Variants in ZAP70 observed in about 807,000 individuals in gnomAD.
ZAP70 encodes the protein tyrosine-protein kinase ZAP-70.
A neutral mutation model predicts 65.8 loss-of-function variants in ZAP70; 27 were observed. The ratio of observed to expected loss-of-function variants is 0.41; its 90% CI spans 0.30 to 0.57. The LOEUF is 0.57. Ranked by LOEUF, ZAP70 falls within the 20% of genes least tolerant of loss-of-function variation. The pLI is 0.28. For missense variants in ZAP70, 696 were observed against 870.5 expected, an observed-to-expected ratio of 0.80 and a Z score of 2.52; for synonymous variants, 363 against 360.8, an observed-to-expected ratio of 1.01 and a Z score of -0.07.
chr2:97,734,645 A>G lies in ZAP70; in HGVS notation c.1015A>G (p.Ile339Val). 1 of 1,614,216 alleles carries G rather than the reference A, an allele frequency of 6.2e-7. No homozygotes were observed. Among genetic ancestry groups the G allele is most frequent in the East Asian group, 2.2e-5 (1 of 44,876 alleles). ...KLFLKRDNLL[I>V]ADIELGCGNF... ...CTTCCTGAAGCGCGATAACCTCCTC[A>G]TAGCTGACATTGAACTTGGCTGCGG... Residue 339 changes from isoleucine (I) to valine (V), a missense_variant, in exon 9 of 14, where the codon ATA becomes GTA. Transcript: ENST00000264972.
chr2:97,756,235 T>TGTCA, the ZAP70 span: 1 of 152,196 alleles, frequency 6.6e-6, no homozygotes, highest in African/African-American at 2.4e-5. Context: ...CGTCTTAACC[T>TGTCA]GTCAGCTCCA....
Position 97,734,535 on chromosome 2 carries a change from C to T in ZAP70, c.905C>T (p.Pro302Leu), listed in dbSNP as rs574174678. 6.2e-7 allele frequency: 1 copy of T among 1,613,962 alleles called. No homozygotes were observed. The highest frequency in any genetic ancestry group is 1.1e-5 in the South Asian group (1 of 91,078). ...YTPEPARITSPDKPRPMPMDT... is the reference protein window; with the variant it reads ...YTPEPARITSLDKPRPMPMDT... ...GTGTGCCCAGCACGCATAACGTCCC[C>T]AGACAAACCGCGGCCGATGCCCATG... is the stretch of plus-strand genomic sequence containing the variant. Residue 302 changes from proline to leucine, a missense_variant, in exon 9 of 14, where the codon CCA becomes CTA. This residue lies in a region of ZAP70 where 551 missense variants were observed against 630.0 expected (regional missense o/e 0.87). Transcript: ENST00000264972.
At chr2:97,747,917 G>C in the ZAP70 span, among the ~76,000 whole-genome samples, 1 of 148,268 alleles carries the variant, frequency 6.7e-6, no homozygotes, top group African/African-American at 2.5e-5. Context: ...GCTGTGGGCA[G>C]GACATGTCTG....
At position 97,738,121 on chromosome 2, in the gene ZAP70, G is replaced by C. The variant is rs1219746384; in HGVS notation, c.1736+14G>C. 3 of 1,584,758 alleles carry C rather than the reference G, an allele frequency of 1.9e-6. No individual in the cohort carries two copies. The highest frequency in any genetic ancestry group is 2.7e-5 in the African/African-American group (2 of 74,526). On this transcript the variant is annotated intron_variant, in intron 13 of 13. Coordinates refer to ENST00000264972, the MANE Select transcript of ZAP70 (RefSeq NM_001079.4). ...CTGGATCTACAAGTGAGTGCCAGTG[G>C]GGAGGGGACCCGGCTGGGCTGACCC...
At chr2:97,718,315 G>A (rs950366865) in intron 2 of ZAP70, among the ~76,000 whole-genome samples, 4 of 152,212 alleles carry the variant, frequency 2.6e-5, no homozygotes, top group Non-Finnish European at 5.9e-5. Flanking sequence ...CTCACTGACA[G>A]CAGACACTCC....
At chr2:97,747,517 A>C in the ZAP70 span, among the ~76,000 whole-genome samples, 2 of 152,210 alleles carry the variant, frequency 1.3e-5, no homozygotes, top group Non-Finnish European at 2.9e-5. Context: ...GCATGGGCAA[A>C]TCCAGAGAGA....
intron 2 of ZAP70, among the ~76,000 whole-genome samples, chr2:97,717,752 A>T (rs1676996504): frequency 6.6e-6 from 1 of 152,210 alleles, no homozygotes; most frequent in South Asian, 2.1e-4. Context: ...TTGAAACTGT[A>T]TTTGACCCCT....
chr2:97,734,021 G>T (rs1250976391), intron 8 of ZAP70: 1 of 291,754 alleles, frequency 3.4e-6, no homozygotes, highest in South Asian at 4.5e-5. Flanking sequence ...GTGAACCCAC[G>T]ATGGGCCCCA....
At chr2:97,745,307 G>A in the ZAP70 span, among the ~76,000 whole-genome samples, 2 of 152,164 alleles carry the variant, frequency 1.3e-5, no homozygotes, top group Non-Finnish European at 1.5e-5. Context: ...CCAAAGTGCT[G>A]GGATTACAGG....
chr2:97,740,649 A>C (rs987439507), downstream of ZAP70, among the ~76,000 whole-genome samples: 3 of 152,188 alleles, frequency 2.0e-5, no homozygotes, highest in Non-Finnish European at 4.4e-5. Flanking sequence ...CCGCTGAGGA[A>C]CCAACGAAAG....
rs766706397 is a variant in ZAP70 at position 97,738,025 on chromosome 2, A to G, written c.1654A>G (p.Ile552Val). 6.2e-7 allele frequency: 1 copy of G among 1,613,412 alleles called. No homozygotes were observed. The highest frequency in any genetic ancestry group is 1.1e-5 in the South Asian group (1 of 91,038). ...KMKGPEVMAF[I>V]EQGKRMECPP... Reference sequence around the variant, plus strand: ...GAAAGGGCCGGAGGTCATGGCCTTCATCGAGCAGGGCAAGCGGATGGAGTG... The same window carrying G: ...GAAAGGGCCGGAGGTCATGGCCTTCGTCGAGCAGGGCAAGCGGATGGAGTG... The change falls in exon 13 of 14, where the codon ATC (isoleucine) becomes GTC (valine). Residue 552 changes from isoleucine (I) to valine (V), a missense_variant. Physicochemically the swap from Ile to Val is conservative, Grantham distance 29. Coordinates refer to ENST00000264972, the MANE Select transcript of ZAP70 (RefSeq NM_001079.4).
At position 97,731,583 on chromosome 2, in the gene ZAP70, G is replaced by A. The variant is rs1677609731; in HGVS notation, c.564-1300G>A. Among the ~76,000 whole-genome samples the A allele has an allele frequency of 6.6e-6, 1 of 152,152 alleles. No individual in the cohort carries two copies. The highest frequency in any genetic ancestry group is 2.1e-4 in the South Asian group (1 of 4,824). Reference sequence around the variant, plus strand: ...TTCACTGCACTGTACTTCGGGGAACGTGCTGTCCAGGAATGGAGAGGATGG... The same window carrying A: ...TTCACTGCACTGTACTTCGGGGAACATGCTGTCCAGGAATGGAGAGGATGG... On this transcript the variant is annotated intron_variant, in intron 4 of 13. Coordinates refer to ENST00000264972, the MANE Select transcript of ZAP70 (RefSeq NM_001079.4). The surrounding 1 kb of genome is among the most constrained non-coding windows in gnomAD (Gnocchi z 4.0).
chr2:97,735,543 T>G (rs1340013807), intron 10 of ZAP70, 87 bp downstream of exon 10: 2 of 1,485,068 alleles, frequency 1.3e-6, no homozygotes, highest in East Asian at 4.5e-5. Context: ...TGCATGCGTG[T>G]GTGGGAAGCC....
At chr2:97,734,739 GCA>G in intron 9 of ZAP70, 27 bp downstream of exon 9, 1 of 1,611,610 alleles carries the variant, frequency 6.2e-7, no homozygotes. Flanking sequence ...CGTGGTGGGA[GCA>G]CCGCCGCCTG....
At chr2:97,742,207 C>T (rs1678148489), downstream of ZAP70, among the ~76,000 whole-genome samples, 1 of 152,202 alleles carries the variant, frequency 6.6e-6, no homozygotes, top group African/African-American at 2.4e-5. Context: ...ACTCCTTGGC[C>T]AGGAAGCAAC....
chr2:97,714,905 T>G (rs1676846947), intron 2 of ZAP70, among the ~76,000 whole-genome samples: 2 of 152,126 alleles, frequency 1.3e-5, no homozygotes, highest in African/African-American at 2.4e-5. Flanking sequence ...CTCTGGAGCC[T>G]GGGGGCCTGG....
intron 10 of ZAP70, 110 bp downstream of exon 10, chr2:97,735,566 C>T: frequency 1.5e-6 from 2 of 1,310,252 alleles, no homozygotes; most frequent in Non-Finnish European, 2.1e-6. Context: ...GGCACTTCCA[C>T]ACCATCGTGG....
In ZAP70 at chr2:97,730,226, CCAAA is replaced by C. The variant is rs60127934; in HGVS notation, c.564-2642_564-2639del. On this transcript the variant is annotated intron_variant, in intron 4 of 13. Coordinates refer to ENST00000264972, the MANE Select transcript of ZAP70 (RefSeq NM_001079.4). ...TGGGCAACAAGAGCAAAACTCTGTC[CCAAA>C]CAAACAAACAAACACCGATCATTTA... Among the ~76,000 whole-genome samples, 1,150 of 152,170 alleles carry C rather than the reference CCAAA, an allele frequency of 7.6e-3. 18 individuals carry two copies. The highest frequency in any genetic ancestry group is 0.068 in the East Asian group (350 of 5,172).
At chr2:97,751,679 G>A in the ZAP70 span, among the ~76,000 whole-genome samples, 1,535 of 152,316 alleles carry the variant, frequency 0.01, 32 homozygotes, top group African/African-American at 0.035. Flanking sequence ...TGTGTGAAGA[G>A]GTTTATTTGG....
Sources: gnomAD v4.1 joint callset for allele counts (sites outside exome capture counted in the v4.1 genomes callset) on GRCh38, gnomAD v4.1.1 for gene constraint, gnomAD v4.1.1 regional missense constraint, Gnocchi (gnomAD v3.1) non-coding constraint, MANE v1.5 for transcripts, NCBI Gene and HGNC (gene_info 2026-07-23, HGNC 2026-07-21) for gene names.